ASAP1: variants seen among roughly 807,000 people sequenced by gnomAD.
The protein encoded by ASAP1 is arf-GAP with SH3 domain, ANK repeat and PH domain-containing protein 1.
In ASAP1, 43 loss-of-function variants were observed where a neutral mutation model predicts 145.2. The ratio of observed to expected loss-of-function variants is 0.30; its 90% CI spans 0.23 to 0.38. ASAP1 has a LOEUF of 0.38. ASAP1 is among the 10% of genes least tolerant of loss of function. ASAP1 has a pLI of 1.00. For synonymous variants in ASAP1, 546 were observed against 515.5 expected (o/e 1.06, Z -0.80); for missense variants, 1,018 against 1,355.3 (o/e 0.75, Z 3.91).
chr8:130,381,631 A>C (rs1269705743), intron 2 of ASAP1, among the ~76,000 whole-genome samples: 1 of 152,150 alleles, frequency 6.6e-6, no homozygotes, highest in African/African-American at 2.4e-5. Context: ...GAAAAGAATC[A>C]CTACGGTGGC....
At chr8:130,065,322 GTTC>G (rs1485331384) in intron 27 of ASAP1, among the ~76,000 whole-genome samples, 5 of 152,194 alleles carry the variant, frequency 3.3e-5, no homozygotes, top group African/African-American at 4.8e-5. Context: ...ACGTGAGCGA[GTTC>G]TTCTTCACTT....
intron 3 of ASAP1, among the ~76,000 whole-genome samples, chr8:130,249,014 T>C (rs1167928638): frequency 1.3e-5 from 2 of 152,184 alleles, no homozygotes; most frequent in Non-Finnish European, 2.9e-5. Context: ...TCCTCCTGCC[T>C]CAGCTTCCAG....
intron 12 of ASAP1, among the ~76,000 whole-genome samples, chr8:130,159,565 A>AAAAAG (rs1415224638): frequency 3.3e-5 from 5 of 151,622 alleles, no homozygotes; most frequent in Non-Finnish European, 7.4e-5. Context: ...AAAAAAAAAA[A>AAAAAG]AAAAGCGGAG....
chr8:130,158,251 C>T (rs1002463978), intron 12 of ASAP1, among the ~76,000 whole-genome samples: 77 of 151,752 alleles, frequency 5.1e-4, no homozygotes, highest in African/African-American at 1.8e-3. Context: ...GAGTCATGCC[C>T]GTAATCCCAA....
chr8:130,375,971 T>C (rs1156322286), intron 2 of ASAP1, among the ~76,000 whole-genome samples: 1 of 152,178 alleles, frequency 6.6e-6, no homozygotes, highest in Non-Finnish European at 1.5e-5. Flanking sequence ...GGGGAGTTAA[T>C]TTACCTCTAC....
At chr8:130,276,728 A>ACACACACACACACTCTCT (rs548512902) in intron 3 of ASAP1, among the ~76,000 whole-genome samples, 18 of 87,314 alleles carry the variant, frequency 2.1e-4, no homozygotes, top group East Asian at 9.9e-4. Context: ...ACACACACAC[A>ACACACACACACACTCTCT]CTCTCTCTCT....
intron 17 of ASAP1, 143 bp from the exon 18 acceptor site, chr8:130,124,247 C>A (rs557802401): frequency 2.0e-5 from 13 of 643,256 alleles, no homozygotes; most frequent in Non-Finnish European, 3.4e-5. Context: ...ATCTGGTCTA[C>A]AAATATTTAC....
chr8:130,057,052 G>T (rs529200358), intron 29 of ASAP1, among the ~76,000 whole-genome samples: 1 of 152,328 alleles, frequency 6.6e-6, no homozygotes, highest in East Asian at 1.9e-4. Context: ...TGTAAAAGGA[G>T]TTTTCATAGA....
intron 3 of ASAP1, among the ~76,000 whole-genome samples, chr8:130,323,051 G>A (rs1256061844): frequency 1.3e-5 from 2 of 152,222 alleles, no homozygotes; most frequent in African/African-American, 4.8e-5. Context: ...TCGTGCATCT[G>A]CTGGAGTGAA....
intron 4 of ASAP1, among the ~76,000 whole-genome samples, chr8:130,217,281 G>A (rs1245330434): frequency 6.6e-6 from 1 of 151,938 alleles, no homozygotes; most frequent in Non-Finnish European, 1.5e-5. Flanking sequence ...TGAATAAATA[G>A]ATATTTATCA....
At position 130,214,677 on chromosome 8, in the gene ASAP1, T is replaced by C. The variant is rs972572690; in HGVS notation, c.284A>G (p.Tyr95Cys). ...GQDHVQNEEN[Y>C]AQVLDKFGSN... ...CCCAAACTTATCAAGAACTTGTGCATAGTTTTCTTCATTTTGTACATGATC... is the reference window on the plus strand; with the variant it reads ...CCCAAACTTATCAAGAACTTGTGCACAGTTTTCTTCATTTTGTACATGATC... Residue 95 changes from tyrosine (Y) to cysteine (C), a missense_variant, in exon 5 of 30, where the codon TAT becomes TGT. Physicochemically the swap from Tyr to Cys is radical, Grantham distance 194. Coordinates refer to ENST00000518721, the MANE Select transcript of ASAP1 (RefSeq NM_018482.4). The C allele has an allele frequency of 1.9e-6, 3 of 1,602,458 alleles. No homozygotes were observed. The highest frequency in any genetic ancestry group is 2.7e-5 in the African/African-American group (2 of 74,104).
chr8:130,124,208 C>A, intron 17 of ASAP1, 104 bp from the exon 18 acceptor site: 1 of 845,902 alleles, frequency 1.2e-6, no homozygotes, highest in Non-Finnish European at 1.9e-6. Flanking sequence ...TATTTTCCCT[C>A]ATTTGACTTA....
chr8:130,256,757 A>ATATATATCCT (rs1554860215), intron 3 of ASAP1, among the ~76,000 whole-genome samples: 67 of 93,658 alleles, frequency 7.2e-4, no homozygotes, highest in African/African-American at 1.9e-3. Flanking sequence ...ATATATATAT[A>ATATATATCCT]TATATATATA....
intron 24 of ASAP1, among the ~76,000 whole-genome samples, chr8:130,111,296 T>C (rs1168216463): frequency 7.0e-6 from 1 of 142,780 alleles, no homozygotes; most frequent in African/African-American, 2.6e-5. Context: ...GGTGGGAGGA[T>C]CAGGATCACT....
In ASAP1 at chr8:130,116,539, C is replaced by T. The variant is rs2097556314; in HGVS notation, c.2064+139G>A. On this transcript the variant is annotated intron_variant, in intron 22 of 29. Transcript: ENST00000518721. ...CATTTTACCACTTTTTCTAATGTAG[C>T]ACATTGCTCATCTGATTTTCTTTAG... 5 of 724,520 alleles carry T rather than the reference C, an allele frequency of 6.9e-6. No individual in the cohort carries two copies. The East Asian group carries it at 1.0e-4, about 15-fold the overall frequency. 44.9% of individuals were successfully genotyped at this position (724,520 alleles called of 1,614,324 possible).
chr8:130,102,692 G>C lies in ASAP1; in HGVS notation c.2401+9402C>G, dbSNP rs1032579103. On this transcript the variant is annotated intron_variant, in intron 24 of 29. Transcript: ENST00000518721. Reference sequence around the variant, plus strand: ...TGGTGCTAGTTTTTCTTTACTATTTGATTGATTGATTGAGACAGGGTCTTG... The same window carrying C: ...TGGTGCTAGTTTTTCTTTACTATTTCATTGATTGATTGAGACAGGGTCTTG... Among the ~76,000 whole-genome samples, 7 of 151,926 alleles carry C rather than the reference G, an allele frequency of 4.6e-5. No homozygotes were observed. In the East Asian group the frequency reaches 1.3e-3, roughly 29 times the overall value.
chr8:130,409,224 T>C (rs990806543), intron 1 of ASAP1, among the ~76,000 whole-genome samples: 2 of 151,518 alleles, frequency 1.3e-5, no homozygotes, highest in Non-Finnish European at 2.9e-5. Context: ...ATTGCGCCAC[T>C]GCACTCCAGC....
intron 2 of ASAP1, among the ~76,000 whole-genome samples, chr8:130,399,118 G>A (rs1391412595): frequency 6.6e-6 from 1 of 152,142 alleles, no homozygotes; most frequent in Non-Finnish European, 1.5e-5. Flanking sequence ...TCTCTGTCTC[G>A]TTCCTTCCTC....
chr8:130,181,269 T>C (rs1163943679), intron 7 of ASAP1, among the ~76,000 whole-genome samples: 1 of 152,252 alleles, frequency 6.6e-6, no homozygotes, highest in African/African-American at 2.4e-5. Flanking sequence ...TGGATTTTCA[T>C]ATGGGAAACC....
Sources: allele counts gnomAD v4.1 joint callset (sites outside exome capture counted in the v4.1 genomes callset), GRCh38; gene constraint gnomAD v4.1.1; transcripts MANE v1.5; gene names NCBI Gene and HGNC (gene_info 2026-07-23, HGNC 2026-07-21).